MYOF: variants seen among roughly 807,000 people sequenced by gnomAD.
MYOF encodes fer-1-like 3, myoferlin.
MYOF carries 244 observed loss-of-function variants against 284.2 expected under a neutral mutation model. The observed-to-expected ratio is 0.86, with a 90% confidence interval of 0.77 to 0.95. The LOEUF (loss-of-function observed/expected upper bound fraction) is 0.95. MYOF is among the 40% of genes least tolerant of loss of function. MYOF has a pLI of 0.00. For synonymous variants in MYOF, 904 were observed against 919.7 expected (o/e 0.98, Z 0.31); for missense variants, 2,496 against 2,560.6 (o/e 0.97, Z 0.54).
At chr10:93,323,868 A>G (rs902444576) in intron 46 of MYOF, among the ~76,000 whole-genome samples, 1 of 152,260 alleles carries the variant, frequency 6.6e-6, no homozygotes, top group African/African-American at 2.4e-5. Context: ...ACCTCAAAAT[A>G]TAAAATCAAA....
intron 12 of MYOF, among the ~76,000 whole-genome samples, chr10:93,400,853 G>GTTTTT (rs551007757): frequency 8.8e-6 from 1 of 113,960 alleles, no homozygotes; most frequent in African/African-American, 3.5e-5. Flanking sequence ...TGCTCAGCAT[G>GTTTTT]TTTTTTTTTT....
At chr10:93,382,723 A>G (rs1846181510) in intron 19 of MYOF, among the ~76,000 whole-genome samples, 1 of 152,262 alleles carries the variant, frequency 6.6e-6, no homozygotes, top group South Asian at 2.1e-4. Context: ...ACAGATCTTC[A>G]GGCACTGTGC....
intron 19 of MYOF, among the ~76,000 whole-genome samples, chr10:93,383,940 A>G (rs1412667780): frequency 6.6e-6 from 1 of 152,136 alleles, no homozygotes; most frequent in African/African-American, 2.4e-5. Flanking sequence ...TTAGAACCCC[A>G]TGGATGCTCT....
intron 3 of MYOF, among the ~76,000 whole-genome samples, chr10:93,434,101 C>T (rs557901932): frequency 4.6e-5 from 7 of 152,072 alleles, no homozygotes; most frequent in Non-Finnish European, 8.8e-5. Flanking sequence ...TCAACAACTG[C>T]GATGGACTCT....
At chr10:93,383,205 T>A (rs1846207848) in intron 19 of MYOF, among the ~76,000 whole-genome samples, 1 of 152,084 alleles carries the variant, frequency 6.6e-6, no homozygotes, top group Admixed American at 6.6e-5. Flanking sequence ...CTGGAATTTT[T>A]AAATTTTTAA....
Position 93,323,177 on chromosome 10 carries a change from C to T in MYOF, c.5361-4G>A, listed in dbSNP as rs921515658. 6.2e-7 allele frequency: 1 copy of T among 1,614,048 alleles called. No homozygotes were observed. The highest frequency in any genetic ancestry group is 1.3e-5 in the African/African-American group (1 of 75,042). On this transcript the variant is annotated splice_region_variant and splice_polypyrimidine_tract_variant and intron_variant, in intron 47 of 53. Coordinates refer to ENST00000359263, the MANE Select transcript of MYOF (RefSeq NM_013451.4). The stretch of plus-strand genomic sequence containing the variant: ...GATGATCACACGCAGGTAGTATCTG[C>T]AAGAAGCACAGTTGGAAGGTACTTT...
At chr10:93,361,598 A>C (rs1364342646) in intron 27 of MYOF, 41 bp from the exon 28 acceptor site, 6 of 1,604,406 alleles carry the variant, frequency 3.7e-6, no homozygotes, top group Middle Eastern at 1.6e-4. Context: ...GAGGTAAGCC[A>C]TAGTGTCAGT....
intron 7 of MYOF, among the ~76,000 whole-genome samples, chr10:93,407,423 C>CAAAAAAAA (rs144461915): frequency 2.6e-5 from 1 of 38,088 alleles, no homozygotes; most frequent in African/African-American, 1.0e-4. Context: ...GACTCTGTCT[C>CAAAAAAAA]AAAAAAAAAA....
At chr10:93,379,744 C>T (rs766548663) in intron 21 of MYOF, 119 bp downstream of exon 21, 5 of 1,281,674 alleles carry the variant, frequency 3.9e-6, no homozygotes, top group Non-Finnish European at 5.4e-6. Context: ...AGAGACATTG[C>T]TCTTACCTTA....
chr10:93,307,964 C>T (rs919312308), intron 53 of MYOF, among the ~76,000 whole-genome samples: 21 of 150,024 alleles, frequency 1.4e-4, no homozygotes, highest in Admixed American at 1.3e-3. Context: ...TTAACTAGAC[C>T]GGGTGCAGTG....
Position 93,351,719 on chromosome 10 carries a change from T to C in MYOF, c.3609A>G (p.Thr1203=), listed in dbSNP as rs1173724756. 8 of 1,598,876 alleles carry C rather than the reference T, an allele frequency of 5.0e-6. No homozygotes were observed. Among genetic ancestry groups the C allele is most frequent in the Non-Finnish European group, 6.8e-6 (8 of 1,175,752 alleles). ...TAACTTTGGGTGGATTCTGTAGAAC[T>C]GTTTGGGGTTCCCCATAGATTTCAA... is the stretch of plus-strand genomic sequence containing the variant. The part of the protein sequence containing the change: ...DEVEIYGEPQ[T]VLQNPPKVIM... The change falls in exon 33 of 54, where the codon ACA becomes ACG. Residue 1203 remains threonine (T), a synonymous_variant. Coordinates refer to ENST00000359263, the MANE Select transcript of MYOF (RefSeq NM_013451.4).
At chr10:93,397,312 AAGT>A in intron 14 of MYOF, 22 bp from the exon 15 acceptor site, 1 of 1,598,940 alleles carries the variant, frequency 6.3e-7, no homozygotes, top group South Asian at 1.1e-5. Flanking sequence ...AGACAGAAAA[AAGT>A]AGTTATTTCT....
At chr10:93,382,562 C>T (rs866916661) in intron 19 of MYOF, among the ~76,000 whole-genome samples, 1 of 152,142 alleles carries the variant, frequency 6.6e-6, no homozygotes, top group Non-Finnish European at 1.5e-5. Context: ...ATAGGGTCAA[C>T]GATAACCACA....
Position 93,310,527 on chromosome 10 carries a change from C to T in MYOF, c.5999+7G>A. The T allele has an allele frequency of 6.3e-7, 1 of 1,593,480 alleles. No homozygotes were observed. The highest frequency in any genetic ancestry group is 8.5e-7 in the Non-Finnish European group (1 of 1,179,262). On this transcript the variant is annotated splice_region_variant and intron_variant, in intron 52 of 53. Transcript: ENST00000359263. Reference sequence around the variant, plus strand: ...TGGGGAGTGGGAGAACAAAGAAGGCCTCTCACTTTGGTAAGTCCAGCTTGG... The same window carrying T: ...TGGGGAGTGGGAGAACAAAGAAGGCTTCTCACTTTGGTAAGTCCAGCTTGG...
At chr10:93,307,880 C>T (rs1219911491) in intron 53 of MYOF, among the ~76,000 whole-genome samples, 1 of 151,288 alleles carries the variant, frequency 6.6e-6, no homozygotes, top group African/African-American at 2.4e-5. Flanking sequence ...CCGCCTCAGC[C>T]TCCCAAAGTG....
rs787661 is a variant in MYOF, at chr10:93,310,769, G to C, written c.5890-126C>G. On this transcript the variant is annotated intron_variant, in intron 51 of 53. Coordinates refer to ENST00000359263, the MANE Select transcript of MYOF (RefSeq NM_013451.4). ...TAAAACAATCCTTAGATTGCCTTCA[G>C]TTTTCCTCAAGAGATTTCATCCCAT... 5.9e-6 allele frequency: 5 copies of C among 852,288 alleles called. No homozygotes were observed. In the South Asian group the frequency reaches 7.3e-5, roughly 12 times the overall value. The allele number at this position is 852,288 out of a possible 1,614,324, so 52.8% of individuals were successfully genotyped here. A position where few individuals can be genotyped will look rare whatever the true frequency, so the allele number is the denominator to read the frequency against.
At chr10:93,465,624 C>T (rs1182099982) in intron 1 of MYOF, among the ~76,000 whole-genome samples, 2 of 149,284 alleles carry the variant, frequency 1.3e-5, no homozygotes, top group Admixed American at 1.3e-4. Flanking sequence ...AAGCCATTCA[C>T]CTGCCTCAGC....
chr10:93,407,397 C>CA (rs1847645987), intron 7 of MYOF, among the ~76,000 whole-genome samples: 1 of 127,156 alleles, frequency 7.9e-6, no homozygotes, highest in South Asian at 2.6e-4. Flanking sequence ...CACCACACTC[C>CA]AGCCTTGGCA....
chr10:93,411,424 G>A (rs1020307227), intron 5 of MYOF, among the ~76,000 whole-genome samples: 7 of 152,178 alleles, frequency 4.6e-5, no homozygotes, highest in Non-Finnish European at 1.0e-4. Context: ...CTCTGGCCCC[G>A]TGACCTAATC....
Sources: gnomAD v4.1 joint callset for allele counts (sites outside exome capture counted in the v4.1 genomes callset) on GRCh38, gnomAD v4.1.1 for gene constraint, MANE v1.5 for transcripts, NCBI Gene and HGNC (gene_info 2026-07-23, HGNC 2026-07-21) for gene names.